The following REEP3 variants were observed in gnomAD, a reference collection of about 807,000 sequenced individuals.
REEP3 encodes the protein receptor expression-enhancing protein 3.
In REEP3, 20 loss-of-function variants were observed where a neutral mutation model predicts 41.3. That is an observed-to-expected ratio of 0.48 (90% confidence interval 0.34 to 0.70). REEP3 has a LOEUF of 0.70. Ranked by LOEUF, REEP3 falls within the 30% of genes least tolerant of loss-of-function variation. The probability of loss-of-function intolerance (pLI) is 0.01; values close to 1 mark genes in which losing one functional copy is unlikely to be tolerated. For missense variants in REEP3, 271 were observed against 308.8 expected (o/e 0.88, Z 0.92); for synonymous variants, 104 against 101.8 (o/e 1.02, Z -0.13).
intron 2 of REEP3, among the ~76,000 whole-genome samples, chr10:63,570,259 A>T (rs1161684008): frequency 6.6e-6 from 1 of 152,238 alleles, no homozygotes; most frequent in African/African-American, 2.4e-5. Context: ...AAGATAATCC[A>T]TCAGCATTCA....
At chr10:63,568,426 C>T (rs1187193834) in intron 2 of REEP3, among the ~76,000 whole-genome samples, 1 of 151,960 alleles carries the variant, frequency 6.6e-6, no homozygotes, top group East Asian at 1.9e-4. Flanking sequence ...GCCACCACGC[C>T]CTGCTAATTT....
rs192576400 is a variant in REEP3 at position 63,569,059 on chromosome 10, C to T, written c.105+2649C>T. ...CATTATTGTATTATTAATATACTTACAGTAACACAGTAGTGCTTTTACAGC... is the reference window on the plus strand; with the variant it reads ...CATTATTGTATTATTAATATACTTATAGTAACACAGTAGTGCTTTTACAGC... On this transcript the variant is annotated intron_variant, in intron 2 of 7. Coordinates refer to ENST00000373758, the MANE Select transcript of REEP3 (RefSeq NM_001001330.3). Among the ~76,000 whole-genome samples, 6 of 152,248 alleles carry T rather than the reference C, an allele frequency of 3.9e-5. No individual in the cohort carries two copies. In the East Asian group the frequency reaches 9.6e-4, roughly 24 times the overall value.
At chr10:63,606,727 G>A (rs1272591680) in intron 5 of REEP3, among the ~76,000 whole-genome samples, 1 of 151,934 alleles carries the variant, frequency 6.6e-6, no homozygotes, top group African/African-American at 2.4e-5. Context: ...TTTATTGATG[G>A]GAATAAAGCA....
chr10:63,555,136 G>A (rs372221285), intron 1 of REEP3, among the ~76,000 whole-genome samples: 4 of 152,158 alleles, frequency 2.6e-5, no homozygotes, highest in East Asian at 3.8e-4. Context: ...CATAGCTTTT[G>A]ATGAGTATTA....
chr10:63,593,582 G>T (rs1463009361), intron 2 of REEP3, among the ~76,000 whole-genome samples: 1 of 152,180 alleles, frequency 6.6e-6, no homozygotes, highest in Non-Finnish European at 1.5e-5. Flanking sequence ...ATGGCATTGT[G>T]TATTTGCTGT....
intron 1 of REEP3, among the ~76,000 whole-genome samples, chr10:63,553,810 T>G (rs1955651367): frequency 6.6e-6 from 1 of 152,110 alleles, no homozygotes; most frequent in African/African-American, 2.4e-5. Flanking sequence ...TTTTTAAAAC[T>G]TAGATTGGCC....
intron 1 of REEP3, among the ~76,000 whole-genome samples, chr10:63,558,221 T>C (rs980216025): frequency 7.2e-5 from 11 of 152,188 alleles, no homozygotes; most frequent in African/African-American, 2.4e-4. Flanking sequence ...TTTACAACAA[T>C]GTTGGCAAAA....
intron 2 of REEP3, among the ~76,000 whole-genome samples, chr10:63,583,174 G>C (rs1955970871): frequency 6.6e-6 from 1 of 151,862 alleles, no homozygotes; most frequent in Non-Finnish European, 1.5e-5. Context: ...TGTATTTTTA[G>C]TAGAGACGGA....
chr10:63,614,665 C>T (rs77446769), intron 6 of REEP3, among the ~76,000 whole-genome samples: 1,792 of 152,156 alleles, frequency 0.012, 18 homozygotes, highest in African/African-American at 0.03. Context: ...TATTTTGTGG[C>T]GATTTGTTGA....
chr10:63,543,470 T>G (rs1363172994), intron 1 of REEP3, among the ~76,000 whole-genome samples: 1 of 151,980 alleles, frequency 6.6e-6, no homozygotes, highest in East Asian at 1.9e-4. Flanking sequence ...TAAGTTTTTT[T>G]TTTTTTTTTT....
At chr10:63,521,801 T>TGCGACG (rs1283376580) in intron 1 of REEP3, 2 of 301,102 alleles carry the variant, frequency 6.6e-6, no homozygotes, top group Middle Eastern at 9.1e-4. Context: ...CGACTGCGGC[T>TGCGACG]GCGACGGCGG....
chr10:63,532,695 C>T (rs1420731974), intron 1 of REEP3, among the ~76,000 whole-genome samples: 1 of 149,534 alleles, frequency 6.7e-6, no homozygotes, highest in Non-Finnish European at 1.5e-5. Flanking sequence ...TTCAGGAGTT[C>T]CACACCAGCC....
chr10:63,573,305 C>T (rs1955870197), intron 2 of REEP3, among the ~76,000 whole-genome samples: 1 of 152,126 alleles, frequency 6.6e-6, no homozygotes, highest in Admixed American at 6.5e-5. Context: ...TTCAGTCTTG[C>T]AGTAATTGAA....
chr10:63,592,685 G>A (rs567814970), intron 2 of REEP3, among the ~76,000 whole-genome samples: 7 of 150,516 alleles, frequency 4.7e-5, no homozygotes, highest in African/African-American at 1.7e-4. Context: ...GAGGTCAGGA[G>A]TTCGAGACCA....
chr10:63,574,216 T>C (rs1484306622), intron 2 of REEP3, among the ~76,000 whole-genome samples: 1 of 152,222 alleles, frequency 6.6e-6, no homozygotes, highest in Non-Finnish European at 1.5e-5. Flanking sequence ...CTACGAAAGA[T>C]GATTTAGCAG....
intron 5 of REEP3, among the ~76,000 whole-genome samples, chr10:63,608,400 T>C (rs1218763478): frequency 1.3e-5 from 2 of 152,222 alleles, no homozygotes; most frequent in Non-Finnish European, 2.9e-5. Flanking sequence ...AATATATTAT[T>C]AACCCAAAGT....
Position 63,598,162 on chromosome 10 carries a change from C to A in REEP3, c.303+18C>A. On this transcript the variant is annotated intron_variant, in intron 4 of 7. Transcript: ENST00000373758. ...AGGAAAGGGTAAGATATATAAATTA[C>A]TTCCGTAAATAATTTTTTAGAAATG... The A allele has an allele frequency of 6.5e-7, 1 of 1,540,788 alleles. No homozygotes were observed. Among genetic ancestry groups the A allele is most frequent in the Non-Finnish European group, 8.9e-7 (1 of 1,125,168 alleles).
chr10:63,619,333 A>G (rs947581859), intron 6 of REEP3, among the ~76,000 whole-genome samples: 1 of 152,236 alleles, frequency 6.6e-6, no homozygotes, highest in Admixed American at 6.5e-5. Context: ...TTTTTGCTCT[A>G]TATCTATTTA....
At chr10:63,585,722 T>C (rs539919192) in intron 2 of REEP3, among the ~76,000 whole-genome samples, 3 of 152,346 alleles carry the variant, frequency 2.0e-5, no homozygotes, top group East Asian at 3.9e-4. Flanking sequence ...AATGTCTCAC[T>C]GGTCATAGCA....
Sources: allele counts gnomAD v4.1 joint callset (sites outside exome capture counted in the v4.1 genomes callset), GRCh38; gene constraint gnomAD v4.1.1; transcripts MANE v1.5; gene names NCBI Gene and HGNC (gene_info 2026-07-23, HGNC 2026-07-21).